MYT1: variants seen among roughly 807,000 people sequenced by gnomAD.
The protein encoded by MYT1 is myelin transcription factor I.
A neutral mutation model predicts 123.0 loss-of-function variants in MYT1; 23 were observed. The observed-to-expected ratio is 0.19, with a 90% CI of 0.13 to 0.26. The LOEUF is 0.26. MYT1 is among the 10% of genes least tolerant of loss of function. MYT1 has a pLI of 1.00. For synonymous variants in MYT1, 518 were observed against 575.3 expected, an observed-to-expected ratio of 0.90 and a Z score of 1.43; for missense variants, 1,125 against 1,472.5, an observed-to-expected ratio of 0.76 and a Z score of 3.86.
chr20:64,219,487 T>C (rs1265073956), intron 12 of MYT1, among the ~76,000 whole-genome samples: 2 of 152,236 alleles, frequency 1.3e-5, no homozygotes, highest in Non-Finnish European at 2.9e-5. Flanking sequence ...CCTGAGGGAC[T>C]GGTTTTTGTG....
At chr20:64,239,658 G>A in intron 21 of MYT1, 102 bp from the exon 22 acceptor site, 3 of 1,534,418 alleles carry the variant, frequency 2.0e-6, no homozygotes, top group East Asian at 4.5e-5. Flanking sequence ...CCACCCCAGG[G>A]TTCTGCATTC....
rs752375056 is a variant in MYT1, at chr20:64,208,445, G to A, written c.1249G>A (p.Ala417Thr). Residue 417 changes from alanine (A) to threonine (T), a missense_variant, in exon 7 of 23, where the codon GCA (alanine) becomes ACA (threonine). Physicochemically the swap from Ala to Thr is moderately conservative, Grantham distance 58. Around this residue, in one of 4 missense-constraint regions of MYT1, gnomAD observed 429 missense variants for 604.1 expected, o/e 0.71. Coordinates refer to ENST00000328439, the MANE Select transcript of MYT1 (RefSeq NM_004535.3). The surrounding 1 kb of genome is among the most constrained non-coding windows in gnomAD (Gnocchi z 5.4). Reference sequence around the variant, plus strand: ...GGGCCTGGGAGAGCCAGGGAAGGCAGCAAAGCCCCTGGACACTGTGCGGAA... The same window carrying A: ...GGGCCTGGGAGAGCCAGGGAAGGCAACAAAGCCCCTGGACACTGTGCGGAA... ...QLGLGEPGKA[A>T]KPLDTVRKSY... 1.9e-6 allele frequency: 3 copies of A among 1,612,770 alleles called. No individual in the cohort carries two copies. In the South Asian group the frequency reaches 3.3e-5, roughly 18 times the overall value.
chr20:64,231,299 C>T lies in MYT1; in HGVS notation c.2676-865C>T, dbSNP rs1568720329. ...TCCTGGATGACGTGGTCCCTCAGCTCCCCAAGTCCTGGTCCAGGTCCTTCC... is the reference window on the plus strand; with the variant it reads ...TCCTGGATGACGTGGTCCCTCAGCTTCCCAAGTCCTGGTCCAGGTCCTTCC... On this transcript the variant is annotated intron_variant, in intron 18 of 22. Coordinates refer to ENST00000328439, the MANE Select transcript of MYT1 (RefSeq NM_004535.3). The surrounding 1 kb of genome is among the most constrained non-coding windows in gnomAD (Gnocchi z 6.4). 6.6e-6 allele frequency among the ~76,000 whole-genome samples: 1 copy of T among 152,216 alleles called. No homozygotes were observed. The highest frequency in any genetic ancestry group is 2.4e-5 in the African/African-American group (1 of 41,446).
In MYT1 at chr20:64,234,574, C is replaced by A. The variant is rs186250099; in HGVS notation, c.2898-1981C>A. ...TGAGGTGGAACATGCCTTCTGTTAA[C>A]CCGTAATGTGTGACCCTGGGCTGGC... On this transcript the variant is annotated intron_variant, in intron 19 of 22. Coordinates refer to ENST00000328439, the MANE Select transcript of MYT1 (RefSeq NM_004535.3). Among the ~76,000 whole-genome samples, 6 of 151,820 alleles carry A rather than the reference C, an allele frequency of 4.0e-5. No individual in the cohort carries two copies. In the East Asian group the frequency reaches 9.7e-4, roughly 25 times the overall value.
intron 14 of MYT1, 39 bp from the exon 15 acceptor site, chr20:64,223,072 C>T (rs749804878): frequency 6.2e-7 from 1 of 1,612,642 alleles, no homozygotes; most frequent in Non-Finnish European, 8.5e-7. Flanking sequence ...GGCAGGTACA[C>T]ACCACTCTCC....
chr20:64,211,301 C>T lies in MYT1; in HGVS notation c.1387C>T (p.Leu463Phe). The change falls in exon 8 of 23, where the codon CTT becomes TTT. Residue 463 changes from leucine (L) to phenylalanine (F), a missense_variant. Physicochemically the swap from Leu to Phe is conservative, Grantham distance 22 (BLOSUM62 0). Coordinates refer to ENST00000328439, the MANE Select transcript of MYT1 (RefSeq NM_004535.3). The part of the protein sequence containing the change: ...VTGLYPHHRS[L>F]SGCPHKDRIP... The stretch of plus-strand genomic sequence containing the variant: ...CGGGTTGTACCCTCACCACCGCAGC[C>T]TTTCTGGCTGTCCCCACAAGGATAG... 1 of 1,613,966 alleles carries T rather than the reference C, an allele frequency of 6.2e-7. No individual in the cohort carries two copies. Among genetic ancestry groups the T allele is most frequent in the Non-Finnish European group, 8.5e-7 (1 of 1,179,860 alleles).
chr20:64,170,880 TATATAGAGAGAGAG>T (rs1453014675), intron 1 of MYT1, among the ~76,000 whole-genome samples: 19 of 49,146 alleles, frequency 3.9e-4, no homozygotes, highest in African/African-American at 1.3e-3. Flanking sequence ...TATATATATA[TATATAGAGAGAGAG>T]AGAGAGAGAG....
chr20:64,202,107 A>G lies in MYT1; in HGVS notation c.86+2185A>G, dbSNP rs3003139. On this transcript the variant is annotated intron_variant, in intron 4 of 22. Coordinates refer to ENST00000328439, the MANE Select transcript of MYT1 (RefSeq NM_004535.3). The surrounding 1 kb of genome is among the most constrained non-coding windows in gnomAD (Gnocchi z 5.0). ...TTCTCTGTGGATGACTTAACACTGCATTGGCTCAGAACTTCACAGCCTGCA... is the reference window on the plus strand; with the variant it reads ...TTCTCTGTGGATGACTTAACACTGCGTTGGCTCAGAACTTCACAGCCTGCA... Among the ~76,000 whole-genome samples, 16,033 of 150,462 alleles carry G rather than the reference A, an allele frequency of 0.11. 1,328 individuals are homozygous for G. Among genetic ancestry groups the G allele is most frequent in the African/African-American group, 0.22 (8,756 of 40,486 alleles).
At chr20:64,171,922 C>A (rs1294927517) in intron 1 of MYT1, among the ~76,000 whole-genome samples, 1 of 152,152 alleles carries the variant, frequency 6.6e-6, no homozygotes, top group Non-Finnish European at 1.5e-5. Context: ...AACCCAAACC[C>A]ACTTCAATAT....
In MYT1 at chr20:64,223,126, C is replaced by A; in HGVS notation, c.2412C>A (p.Gly804=). Residue 804 remains glycine (G), a synonymous_variant, in exon 15 of 23, where the codon GGC becomes GGA. Coordinates refer to ENST00000328439, the MANE Select transcript of MYT1 (RefSeq NM_004535.3). ...KKELLTCPTP[G]CDGSGHITGN... is the part of the protein sequence containing the mutation. ...CTTTGTCCAGCTGTCCCACCCCTGGCTGTGACGGCAGCGGCCACATCACCG... is the reference window on the plus strand; with the variant it reads ...CTTTGTCCAGCTGTCCCACCCCTGGATGTGACGGCAGCGGCCACATCACCG... The A allele has an allele frequency of 1.2e-6, 2 of 1,614,224 alleles. No individual in the cohort carries two copies. Among genetic ancestry groups the A allele is most frequent in the Non-Finnish European group, 1.7e-6 (2 of 1,180,036 alleles).
At chr20:64,239,225 T>C (rs1984640828) in intron 21 of MYT1, among the ~76,000 whole-genome samples, 1 of 152,214 alleles carries the variant, frequency 6.6e-6, no homozygotes, top group African/African-American at 2.4e-5. Context: ...GAAGTCGTGC[T>C]TGGGAGGCCC....
At chr20:64,215,104 C>G (rs1983796714) in intron 10 of MYT1, among the ~76,000 whole-genome samples, 1 of 152,200 alleles carries the variant, frequency 6.6e-6, no homozygotes. Flanking sequence ...CTTTTTTCCT[C>G]TATCTTATTT....
chr20:64,221,251 G>A (rs988016931), intron 13 of MYT1, among the ~76,000 whole-genome samples: 6 of 152,120 alleles, frequency 3.9e-5, no homozygotes, highest in African/African-American at 1.4e-4. Context: ...ACAGCATCCT[G>A]CAGAATGTTG....
At chr20:64,210,221 T>C (rs1983625087) in intron 7 of MYT1, among the ~76,000 whole-genome samples, 2 of 152,184 alleles carry the variant, frequency 1.3e-5, no homozygotes, top group African/African-American at 4.8e-5. Flanking sequence ...TTTCAGTGCA[T>C]GGACCCAAAG....
rs1207002941 is a variant in MYT1, at chr20:64,208,268, T to C, written c.1072T>C (p.Ser358Pro). The change falls in exon 7 of 23, where the codon TCC becomes CCC. Residue 358 changes from serine to proline, a missense_variant. Around this residue, in one of 4 missense-constraint regions of MYT1, gnomAD observed 429 missense variants for 604.1 expected, o/e 0.71. Coordinates refer to ENST00000328439, the MANE Select transcript of MYT1 (RefSeq NM_004535.3). This position sits in a 1 kb window ranked among gnomAD's most constrained non-coding sequence, Gnocchi z 5.4. Reference protein sequence around the residue: ...SDDDKDEDTHSRKSTVTDESE... With the variant: ...SDDDKDEDTHPRKSTVTDESE... ...TGATGACAAGGACGAGGACACCCAC[T>C]CCCGGAAGTCAACAGTCACTGACGA... 6.2e-7 allele frequency: 1 copy of C among 1,613,986 alleles called. No individual in the cohort carries two copies. The highest frequency in any genetic ancestry group is 1.3e-5 in the African/African-American group (1 of 74,904).
At position 64,226,606 on chromosome 20, in the gene MYT1, A is replaced by G. The variant is rs150585156; in HGVS notation, c.2529-809A>G. Among the ~76,000 whole-genome samples the G allele has an allele frequency of 2.5e-3, 387 of 152,356 alleles. 6 individuals carry two copies. The highest frequency in any genetic ancestry group is 8.9e-3 in the African/African-American group (372 of 41,584). On this transcript the variant is annotated intron_variant, in intron 16 of 22. Coordinates refer to ENST00000328439, the MANE Select transcript of MYT1 (RefSeq NM_004535.3). The stretch of plus-strand genomic sequence containing the variant: ...GGGGGATGGATCTACCCGCAGAATC[A>G]GGTCACCTCCTCCCACTCTCTAACA...
Position 64,239,825 on chromosome 20 carries a change from T to A in MYT1, c.3159T>A (p.Asn1053Lys). ...AGAACAAGCTCATTGAGGAGCAGAATGAAGCCCTGTTTCTGGAGCTGTCCG... is the reference window on the plus strand; with the variant it reads ...AGAACAAGCTCATTGAGGAGCAGAAAGAAGCCCTGTTTCTGGAGCTGTCCG... ...EEENKLIEEQ[N>K]EALFLELSGL... The change falls in exon 22 of 23, where the codon AAT (asparagine) becomes AAA (lysine). Residue 1053 changes from asparagine to lysine, a missense_variant. Coordinates refer to ENST00000328439, the MANE Select transcript of MYT1 (RefSeq NM_004535.3). 6.2e-7 allele frequency: 1 copy of A among 1,614,000 alleles called. No individual in the cohort carries two copies. The highest frequency in any genetic ancestry group is 8.5e-7 in the Non-Finnish European group (1 of 1,180,036).
At chr20:64,237,176 G>C in intron 20 of MYT1, 111 bp from the exon 21 acceptor site, 1 of 746,388 alleles carries the variant, frequency 1.3e-6, no homozygotes, top group Admixed American at 2.5e-5. Flanking sequence ...CAGGAGGGGA[G>C]ACCTCTGCTG....
intron 20 of MYT1, 96 bp downstream of exon 20, chr20:64,236,742 G>C (rs1307483104): frequency 1.9e-6 from 2 of 1,057,018 alleles, no homozygotes; most frequent in Admixed American, 3.8e-5. Context: ...AGGTTAGGGA[G>C]ATGAAGCCCC....
Sources: gnomAD v4.1 joint callset for allele counts (sites outside exome capture counted in the v4.1 genomes callset) on GRCh38, gnomAD v4.1.1 for gene constraint, gnomAD v4.1.1 regional missense constraint, Gnocchi (gnomAD v3.1) non-coding constraint, MANE v1.5 for transcripts, NCBI Gene and HGNC (gene_info 2026-07-23, HGNC 2026-07-21) for gene names.